Variants in NSRP1 observed in about 807,000 individuals in gnomAD.
NSRP1 encodes the protein coiled-coil domain containing 55.
Under a neutral mutation model 54.7 loss-of-function variants are expected in NSRP1, and 24 were observed. The ratio of observed to expected loss-of-function variants is 0.44; its 90% CI spans 0.32 to 0.62. NSRP1 has a LOEUF of 0.62. Among genes scored for constraint, NSRP1 ranks in the 20% least tolerant of loss-of-function variants. The pLI is 0.06. For synonymous variants in NSRP1, 210 were observed against 213.8 expected, an observed-to-expected ratio of 0.98 and a Z score of 0.15; for missense variants, 596 against 651.2, an observed-to-expected ratio of 0.92 and a Z score of 0.92.
At chr17:30,158,093 A>G (rs1202466405) in intron 2 of NSRP1, among the ~76,000 whole-genome samples, 2 of 152,116 alleles carry the variant, frequency 1.3e-5, no homozygotes, top group African/African-American at 4.8e-5. Context: ...TTACATTCCC[A>G]CCAGCAGTGT....
chr17:30,172,962 T>C (rs1002263574), intron 3 of NSRP1, among the ~76,000 whole-genome samples: 8 of 151,572 alleles, frequency 5.3e-5, no homozygotes, highest in Non-Finnish European at 8.8e-5. Flanking sequence ...TATATAGATA[T>C]ATAGATTTTT....
At chr17:30,163,651 G>T (rs916451033) in intron 2 of NSRP1, among the ~76,000 whole-genome samples, 3 of 146,826 alleles carry the variant, frequency 2.0e-5, no homozygotes, top group African/African-American at 7.5e-5. Flanking sequence ...TCTTAATTCT[G>T]CAGTTTATGG....
At chr17:30,138,967 G>T (rs1032144776) in intron 2 of NSRP1, among the ~76,000 whole-genome samples, 38 of 136,432 alleles carry the variant, frequency 2.8e-4, no homozygotes, top group Non-Finnish European at 5.3e-4. Flanking sequence ...GCCCAGGCTG[G>T]AGTGCAGTGG....
At chr17:30,144,261 T>G (rs2071832158) in intron 2 of NSRP1, 1 of 147,732 alleles carries the variant, frequency 6.8e-6, no homozygotes, top group African/African-American at 2.5e-5. Context: ...ATTATTATTA[T>G]TATTATTATT....
chr17:30,158,248 G>A (rs1223774080), intron 2 of NSRP1, among the ~76,000 whole-genome samples: 1 of 150,270 alleles, frequency 6.7e-6, no homozygotes, highest in Non-Finnish European at 1.5e-5. Flanking sequence ...ATACCTGTTG[G>A]CCATTTGTAT....
At chr17:30,155,356 T>C (rs1841621222) in intron 2 of NSRP1, among the ~76,000 whole-genome samples, 1 of 152,196 alleles carries the variant, frequency 6.6e-6, no homozygotes, top group Non-Finnish European at 1.5e-5. Context: ...AGTTGTTGTA[T>C]ATGCAGGCGT....
intron 2 of NSRP1, among the ~76,000 whole-genome samples, chr17:30,134,989 A>G (rs1350880333): frequency 3.3e-5 from 5 of 151,706 alleles, no homozygotes; most frequent in Non-Finnish European, 5.9e-5. Flanking sequence ...TTGACATCCC[A>G]TTGTCCGGAT....
At chr17:30,161,668 G>A (rs1007418979) in intron 2 of NSRP1, among the ~76,000 whole-genome samples, 26 of 152,140 alleles carry the variant, frequency 1.7e-4, no homozygotes, top group African/African-American at 5.3e-4. Context: ...CATCAGTGCT[G>A]AACTGTTGAA....
At chr17:30,125,324 T>C (rs2071640245) in intron 2 of NSRP1, among the ~76,000 whole-genome samples, 1 of 152,252 alleles carries the variant, frequency 6.6e-6, no homozygotes, top group Non-Finnish European at 1.5e-5. Context: ...GATAATTTCT[T>C]ATTCCCCTCC....
chr17:30,132,447 A>G (rs551216134), intron 2 of NSRP1, among the ~76,000 whole-genome samples: 1 of 151,494 alleles, frequency 6.6e-6, no homozygotes, highest in Non-Finnish European at 1.5e-5. Context: ...CCAGCTACTC[A>G]GAAGACTGAG....
At chr17:30,134,541 G>T (rs992002834) in intron 2 of NSRP1, among the ~76,000 whole-genome samples, 8 of 152,180 alleles carry the variant, frequency 5.3e-5, no homozygotes, top group Non-Finnish European at 1.0e-4. Flanking sequence ...ATCTGTGCAG[G>T]TTTCAGCTGA....
At chr17:30,177,522 C>T (rs1905165855) in intron 3 of NSRP1, among the ~76,000 whole-genome samples, 1 of 151,900 alleles carries the variant, frequency 6.6e-6, no homozygotes, top group African/African-American at 2.4e-5. Context: ...ATTTTGATCG[C>T]TTGAAAGAGG....
intron 2 of NSRP1, among the ~76,000 whole-genome samples, chr17:30,129,023 G>A (rs1384481949): frequency 6.6e-6 from 1 of 150,884 alleles, no homozygotes; most frequent in Non-Finnish European, 1.5e-5. Flanking sequence ...GTCCCCAAGT[G>A]CTGGGATTAC....
At chr17:30,149,048 C>T (rs2071882589) in intron 2 of NSRP1, among the ~76,000 whole-genome samples, 1 of 152,090 alleles carries the variant, frequency 6.6e-6, no homozygotes, top group Admixed American at 6.6e-5. Context: ...AGCTGTATCT[C>T]ACAAGTTTTG....
At chr17:30,134,762 G>A (rs1277238630) in intron 2 of NSRP1, among the ~76,000 whole-genome samples, 1 of 152,168 alleles carries the variant, frequency 6.6e-6, no homozygotes, top group Non-Finnish European at 1.5e-5. Flanking sequence ...CAGAGTTTCA[G>A]AGAATGGATT....
At chr17:30,165,290 C>G (rs969505399) in intron 2 of NSRP1, among the ~76,000 whole-genome samples, 5 of 152,044 alleles carry the variant, frequency 3.3e-5, no homozygotes, top group Non-Finnish European at 7.4e-5. Context: ...TATAAAATGG[C>G]ATAGGACTAT....
intron 3 of NSRP1, among the ~76,000 whole-genome samples, chr17:30,175,975 G>A (rs1400644954): frequency 6.7e-6 from 1 of 149,820 alleles, no homozygotes; most frequent in Non-Finnish European, 1.5e-5. Context: ...TGCACTCCAG[G>A]CTAGGCAACA....
chr17:30,141,986 A>AGAGT (rs2071809731), intron 2 of NSRP1, among the ~76,000 whole-genome samples: 1 of 152,244 alleles, frequency 6.6e-6, no homozygotes, highest in Non-Finnish European at 1.5e-5. Flanking sequence ...CCTGGGCAAC[A>AGAGT]GAGTGAGACT....
rs1317933464 is a variant in NSRP1, at chr17:30,156,010, T to G, written c.115-16532T>G. ...ACCTACCACCAAACCCGGCTAATTT[T>G]TATACTTTTAGTAGAGACAGGGTTT... On this transcript the variant is annotated intron_variant, in intron 2 of 6. Transcript: ENST00000247026. 4.0e-5 allele frequency among the ~76,000 whole-genome samples: 6 copies of G among 151,832 alleles called. 1 individual carries two copies. Among genetic ancestry groups the G allele is most frequent in the Non-Finnish European group, 8.8e-5 (6 of 67,984 alleles).
Sources: allele counts gnomAD v4.1 joint callset (sites outside exome capture counted in the v4.1 genomes callset), GRCh38; gene constraint gnomAD v4.1.1; transcripts MANE v1.5; gene names NCBI Gene and HGNC (gene_info 2026-07-23, HGNC 2026-07-21).